The following SCUBE2 variants were observed in gnomAD, a reference collection of about 807,000 sequenced individuals.
SCUBE2 encodes signal peptide, CUB and EGF-like domain-containing protein 2.
In SCUBE2, 114 loss-of-function variants were observed where a neutral mutation model predicts 125.9. The ratio of observed to expected loss-of-function variants is 0.91; its 90% CI spans 0.78 to 1.06. The LOEUF (loss-of-function observed/expected upper bound fraction) is 1.06. Among genes scored for constraint, SCUBE2 ranks in the 50% least tolerant of loss-of-function variants. The pLI, the probability that SCUBE2 is intolerant of heterozygous loss-of-function variation, is 0.00. For missense variants in SCUBE2, 1,255 were observed against 1,301.8 expected (o/e 0.96, Z 0.55); for synonymous variants, 459 against 492.9 (o/e 0.93, Z 0.91).
At chr11:9,040,433 C>T (rs1347226620) in intron 16 of SCUBE2, among the ~76,000 whole-genome samples, 1 of 152,036 alleles carries the variant, frequency 6.6e-6, no homozygotes, top group Non-Finnish European at 1.5e-5. Flanking sequence ...GGAGGGTATA[C>T]ACCGTGGGTA....
chr11:9,026,051 G>T, intron 20 of SCUBE2, 197 bp from the exon 21 acceptor site: 1 of 547,874 alleles, frequency 1.8e-6, no homozygotes, highest in Non-Finnish European at 3.2e-6. Flanking sequence ...CCCCAGGGGA[G>T]GCTACACCTG....
At chr11:9,023,815 T>A (rs754903748) in intron 21 of SCUBE2, among the ~76,000 whole-genome samples, 1 of 152,150 alleles carries the variant, frequency 6.6e-6, no homozygotes, top group African/African-American at 2.4e-5. Flanking sequence ...GAAAGCACCA[T>A]GTAAAAGTCA....
At chr11:9,036,414 T>C (rs1382806713) in intron 16 of SCUBE2, among the ~76,000 whole-genome samples, 1 of 152,238 alleles carries the variant, frequency 6.6e-6, no homozygotes, top group African/African-American at 2.4e-5. Flanking sequence ...TGTGTCCCAC[T>C]TGACTCTTTC....
At chr11:9,044,523 C>T (rs1857517301) in intron 16 of SCUBE2, among the ~76,000 whole-genome samples, 5 of 152,186 alleles carry the variant, frequency 3.3e-5, no homozygotes, top group South Asian at 2.1e-4. Flanking sequence ...TGAGCCACTG[C>T]ACCCAGCCTA....
At chr11:9,053,057 C>T (rs1391363702) in intron 12 of SCUBE2, 42 bp downstream of exon 12, 1 of 1,536,420 alleles carries the variant, frequency 6.5e-7, no homozygotes, top group Admixed American at 1.7e-5. Context: ...AGAGGCCTGG[C>T]CCCAGTGTGA....
intron 16 of SCUBE2, among the ~76,000 whole-genome samples, chr11:9,035,283 G>A (rs1199357278): frequency 6.6e-6 from 1 of 152,116 alleles, no homozygotes; most frequent in African/African-American, 2.4e-5. Flanking sequence ...TAAGGATCTA[G>A]GTACTATTAT....
intron 1 of SCUBE2, among the ~76,000 whole-genome samples, chr11:9,090,050 C>T (rs556130371): frequency 6.6e-6 from 1 of 152,248 alleles, no homozygotes; most frequent in East Asian, 1.9e-4. Flanking sequence ...ACCTACTGGC[C>T]TTCAGGACTT....
intron 8 of SCUBE2, 136 bp downstream of exon 8, chr11:9,060,272 C>T (rs1859537811): frequency 6.1e-6 from 4 of 652,810 alleles, no homozygotes; most frequent in Non-Finnish European, 1.1e-5. Context: ...GAAAAAGCTC[C>T]CATTGATATG....
In SCUBE2 at chr11:9,051,977, C is replaced by T. The variant is rs533710520; in HGVS notation, c.1534+769G>A. On this transcript the variant is annotated intron_variant, in intron 13 of 22. Transcript: ENST00000649792. ...ACTCTGGACCCAGACTGCCTGGGTT[C>T]AAATCCCAGCTCCCCTATTTCTTAT... 5.9e-5 allele frequency among the ~76,000 whole-genome samples: 9 copies of T among 152,296 alleles called. No homozygotes were observed. The South Asian group carries it at 1.9e-3, about 32-fold the overall frequency.
intron 17 of SCUBE2, among the ~76,000 whole-genome samples, chr11:9,033,332 T>G (rs1222178235): frequency 6.6e-6 from 1 of 152,138 alleles, no homozygotes; most frequent in Non-Finnish European, 1.5e-5. Flanking sequence ...GGGAAATCAC[T>G]CAGGTTTCAG....
At chr11:9,079,251 G>C in intron 3 of SCUBE2, 133 bp downstream of exon 3, 1 of 878,458 alleles carries the variant, frequency 1.1e-6, no homozygotes, top group South Asian at 1.9e-5. Flanking sequence ...TTCTATCACG[G>C]AGTCTGACTT....
At chr11:9,087,982 T>C (rs1862257147) in intron 2 of SCUBE2, among the ~76,000 whole-genome samples, 1 of 152,248 alleles carries the variant, frequency 6.6e-6, no homozygotes, top group South Asian at 2.1e-4. Context: ...AAGGTGCTAG[T>C]AGACTGAGCC....
At chr11:9,053,591 C>T (rs1436281662) in intron 11 of SCUBE2, 46 bp downstream of exon 11, 1 of 1,604,422 alleles carries the variant, frequency 6.2e-7, no homozygotes, top group Non-Finnish European at 8.5e-7. Context: ...TGCCTCTGGG[C>T]CAGTGGCCAG....
chr11:9,069,463 A>G lies in SCUBE2; in HGVS notation c.550T>C (p.Cys184Arg). Reference protein sequence around the residue: ...GLSCMNKDHGCSHICKEAPRG... With the variant: ...GLSCMNKDHGRSHICKEAPRG... Reference sequence around the variant, plus strand: ...GGGGCCTCCTTGCAGATGTGACTACAGCCGTGATCCTTATTCATGCAGCTC... The same window carrying G: ...GGGGCCTCCTTGCAGATGTGACTACGGCCGTGATCCTTATTCATGCAGCTC... The change falls in exon 5 of 23, where the codon TGT becomes CGT. Residue 184 changes from cysteine (C) to arginine (R), a missense_variant. Physicochemically the swap from Cys to Arg is radical, Grantham distance 180. Transcript: ENST00000649792. 3 of 1,614,258 alleles carry G rather than the reference A, an allele frequency of 1.9e-6. No individual in the cohort carries two copies. The highest frequency in any genetic ancestry group is 8.5e-7 in the Non-Finnish European group (1 of 1,180,052).
At chr11:9,073,006 G>C (rs891184323) in intron 4 of SCUBE2, among the ~76,000 whole-genome samples, 1 of 152,178 alleles carries the variant, frequency 6.6e-6, no homozygotes, top group Non-Finnish European at 1.5e-5. Context: ...TTGTAACTGG[G>C]TGGGACCCAG....
intron 17 of SCUBE2, 199 bp from the exon 18 acceptor site, chr11:9,031,124 A>C (rs908941288): frequency 1.8e-6 from 1 of 552,594 alleles, no homozygotes; most frequent in African/African-American, 1.9e-5. Context: ...GTTTACACAC[A>C]GGGCTACACA....
chr11:9,032,534 G>A (rs1308111620), intron 17 of SCUBE2, among the ~76,000 whole-genome samples: 1 of 152,156 alleles, frequency 6.6e-6, no homozygotes, highest in African/African-American at 2.4e-5. Flanking sequence ...AGGAGTTTGA[G>A]ACCAGCCTGG....
chr11:9,022,019 A>G, intron 21 of SCUBE2, 64 bp from the exon 22 acceptor site: 1 of 1,220,012 alleles, frequency 8.2e-7, no homozygotes, highest in Non-Finnish European at 1.2e-6. Context: ...TCACTCTTTC[A>G]CTTTTTGATA....
At chr11:9,081,730 A>G (rs556831220) in intron 2 of SCUBE2, among the ~76,000 whole-genome samples, 3 of 152,132 alleles carry the variant, frequency 2.0e-5, no homozygotes, top group African/African-American at 7.2e-5. Context: ...TTATCCACTC[A>G]TCTGTCGATG....
Sources: allele counts gnomAD v4.1 joint callset (sites outside exome capture counted in the v4.1 genomes callset), GRCh38; gene constraint gnomAD v4.1.1; transcripts MANE v1.5; gene names NCBI Gene and HGNC (gene_info 2026-07-23, HGNC 2026-07-21).